The following IL20RB variants were observed in gnomAD, a reference collection of about 807,000 sequenced individuals.
IL20RB encodes the protein interleukin 20 receptor subunit beta.
IL20RB carries 21 observed loss-of-function variants against 33.3 expected under a neutral mutation model. That is an observed-to-expected ratio of 0.63 (90% CI 0.45 to 0.91). The LOEUF (loss-of-function observed/expected upper bound fraction) is 0.91, where lower values mean the gene tolerates loss of function less well. IL20RB is among the 40% of genes least tolerant of loss of function. IL20RB has a pLI of 0.00. For synonymous variants in IL20RB, 147 were observed against 146.8 expected (o/e 1.00, Z -0.01); for missense variants, 345 against 384.8 (o/e 0.90, Z 0.86).
intron 1 of IL20RB, among the ~76,000 whole-genome samples, chr3:136,972,947 T>G (rs937932236): frequency 6.6e-6 from 1 of 152,180 alleles, no homozygotes; most frequent in Non-Finnish European, 1.5e-5. Flanking sequence ...AATGTCCCTC[T>G]TATTACTGCT....
chr3:136,958,000 G>C lies in IL20RB; in HGVS notation c.-114G>C. On this transcript the variant is annotated 5_prime_UTR_variant, in exon 1 of 7. Transcript: ENST00000329582. ...CCGGCTCTAGAACAATTCAGGCTTC[G>C]CTGCGACTCAGACCTCAGCTCCAAC... 2.9e-6 allele frequency: 2 copies of C among 695,594 alleles called. No homozygotes were observed. Among genetic ancestry groups the C allele is most frequent in the Non-Finnish European group, 5.0e-6 (2 of 403,386 alleles). The allele number at this position is 695,594 out of a possible 1,614,324, so 43.1% of individuals were successfully genotyped here.
At chr3:136,963,493 G>C (rs1207879362) in intron 1 of IL20RB, among the ~76,000 whole-genome samples, 1 of 152,130 alleles carries the variant, frequency 6.6e-6, no homozygotes, top group African/African-American at 2.4e-5. Context: ...TGATAACTGT[G>C]TAATGCTATC....
intron 6 of IL20RB, among the ~76,000 whole-genome samples, chr3:137,003,679 G>A (rs1173539879): frequency 6.6e-6 from 1 of 152,076 alleles, no homozygotes; most frequent in Non-Finnish European, 1.5e-5. Context: ...GAGACGATGG[G>A]GTTTTCTAAA....
chr3:137,008,082 TCA>T (rs754173759), intron 6 of IL20RB, among the ~76,000 whole-genome samples: 2 of 152,230 alleles, frequency 1.3e-5, no homozygotes, highest in Non-Finnish European at 2.9e-5. Flanking sequence ...CTGAAGGGTC[TCA>T]GTTTCCTTTC....
At position 136,991,840 on chromosome 3, in the gene IL20RB, C is replaced by T. The variant is rs182361711; in HGVS notation, c.532-98C>T. On this transcript the variant is annotated intron_variant, in intron 4 of 6. Transcript: ENST00000329582. Reference sequence around the variant, plus strand: ...GGTCAGGCTGGTCTTGAACTCCTGACCTCAGGTGATCCGCCCGCCTCAGGC... The same window carrying T: ...GGTCAGGCTGGTCTTGAACTCCTGATCTCAGGTGATCCGCCCGCCTCAGGC... 2,327 of 1,263,500 alleles carry T rather than the reference C, an allele frequency of 1.8e-3. 42 individuals carry two copies. The Admixed American group carries it at 0.037, about 20-fold the overall frequency. 78.3% of individuals were successfully genotyped at this position (1,263,500 alleles called of 1,614,324 possible). A position where few individuals can be genotyped will look rare whatever the true frequency, so the allele number is the denominator to read the frequency against.
intron 1 of IL20RB, among the ~76,000 whole-genome samples, chr3:136,959,812 T>C (rs1240362987): frequency 6.6e-6 from 1 of 152,194 alleles, no homozygotes; most frequent in Non-Finnish European, 1.5e-5. Flanking sequence ...TGTTACTCAC[T>C]AGCTCAGGAC....
rs35491086 is a variant in IL20RB at position 136,998,129 on chromosome 3, CTTTTTTT to C, written c.825+2585_825+2591del. 4.9e-3 allele frequency among the ~76,000 whole-genome samples: 585 copies of C among 119,426 alleles called. 5 individuals are homozygous for C. The highest frequency in any genetic ancestry group is 0.016 in the African/African-American group (512 of 31,324). The allele number at this position is 119,426 out of a possible 152,430, so 78.3% of individuals were successfully genotyped here. On this transcript the variant is annotated intron_variant, in intron 6 of 6. Transcript: ENST00000329582. Reference sequence around the variant, plus strand: ...GAATTTAGGTCCATGATTTTCTTTTCTTTTTTTTTTTTTTTTTTCCCCTCTGTTCTTT... The same window carrying C: ...GAATTTAGGTCCATGATTTTCTTTTCTTTTTTTTTTTCCCCTCTGTTCTTT...
intron 6 of IL20RB, among the ~76,000 whole-genome samples, chr3:137,007,793 C>G (rs1213749897): frequency 6.6e-6 from 1 of 152,178 alleles, no homozygotes; most frequent in Non-Finnish European, 1.5e-5. Flanking sequence ...GTGGGCTGCA[C>G]CGACTGTCCA....
chr3:136,962,566 A>C (rs1941250509), intron 1 of IL20RB, among the ~76,000 whole-genome samples: 1 of 152,194 alleles, frequency 6.6e-6, no homozygotes, highest in South Asian at 2.1e-4. Context: ...ATCCTGGCCA[A>C]CATGGTGAAA....
chr3:136,993,276 C>A (rs553065143), intron 5 of IL20RB, among the ~76,000 whole-genome samples: 7 of 152,120 alleles, frequency 4.6e-5, no homozygotes, highest in African/African-American at 1.4e-4. Flanking sequence ...GTGAGTCTGG[C>A]GTTTAATCTT....
rs1459425784 is a variant in IL20RB at position 136,966,503 on chromosome 3, T to G, written c.88+8302T>G. Among the ~76,000 whole-genome samples the G allele has an allele frequency of 2.2e-5, 2 of 90,482 alleles. 1 individual carries two copies. Among genetic ancestry groups the G allele is most frequent in the Non-Finnish European group, 4.3e-5 (2 of 46,318 alleles). 59.4% of individuals were successfully genotyped at this position (90,482 alleles called of 152,430 possible). ...TTGCGTAGAGGTGTTTGTAGTATTC[T>G]CTGATGGTAGTTTGTATTTCTGTGT... On this transcript the variant is annotated intron_variant, in intron 1 of 6. Transcript: ENST00000329582.
intron 1 of IL20RB, chr3:136,980,225 C>T: frequency 2.1e-5 from 11 of 515,236 alleles, no homozygotes; most frequent in East Asian, 6.8e-5. Context: ...ATGGTGGTAC[C>T]CAAAATTTAG....
At chr3:137,005,274 A>G (rs1330909247) in intron 6 of IL20RB, among the ~76,000 whole-genome samples, 2 of 152,160 alleles carry the variant, frequency 1.3e-5, no homozygotes, top group Admixed American at 6.5e-5. Context: ...GTAGATGTCT[A>G]TTAGGTCTGC....
Position 136,989,499 on chromosome 3 carries a change from G to A in IL20RB, c.465G>A (p.Glu155=). The A allele has an allele frequency of 1.9e-6, 3 of 1,614,120 alleles. No homozygotes were observed. The highest frequency in any genetic ancestry group is 2.5e-6 in the Non-Finnish European group (3 of 1,179,982). The change falls in exon 4 of 7, where the codon GAG becomes GAA. Residue 155 remains glutamate, a synonymous_variant. Coordinates refer to ENST00000329582, the MANE Select transcript of IL20RB (RefSeq NM_144717.4). ...ITKDGFHLVI[E]LEDLGPQFEF... ...AAGATGGCTTCCACCTGGTTATTGA[G>A]CTGGAGGACCTGGGGCCCCAGTTTG...
chr3:136,978,874 A>T (rs1560069006), intron 1 of IL20RB, among the ~76,000 whole-genome samples: 1 of 152,072 alleles, frequency 6.6e-6, no homozygotes, highest in Non-Finnish European at 1.5e-5. Flanking sequence ...GTTTGGTAGA[A>T]TTTTCCATTA....
intron 1 of IL20RB, among the ~76,000 whole-genome samples, chr3:136,972,505 T>C (rs1941512088): frequency 1.3e-5 from 2 of 152,196 alleles, no homozygotes; most frequent in South Asian, 4.1e-4. Flanking sequence ...GTTAAGGTTT[T>C]CTTTTTCTTC....
chr3:136,970,641 T>G (rs1242129351), intron 1 of IL20RB, among the ~76,000 whole-genome samples: 1 of 150,822 alleles, frequency 6.6e-6, no homozygotes, highest in Non-Finnish European at 1.5e-5. Flanking sequence ...CTTCCTTCCT[T>G]CCTTCCTTCC....
At chr3:137,003,221 T>G (rs1253436308) in intron 6 of IL20RB, among the ~76,000 whole-genome samples, 1 of 152,198 alleles carries the variant, frequency 6.6e-6, no homozygotes, top group African/African-American at 2.4e-5. Flanking sequence ...CCAGCTTTGT[T>G]CTTTTGGCTT....
intron 1 of IL20RB, among the ~76,000 whole-genome samples, chr3:136,974,360 C>G (rs972889079): frequency 2.0e-5 from 3 of 152,134 alleles, no homozygotes; most frequent in Non-Finnish European, 4.4e-5. Context: ...ATTCGTTTGT[C>G]TGTTAAAGAC....
Sources: allele counts gnomAD v4.1 joint callset (sites outside exome capture counted in the v4.1 genomes callset), GRCh38; gene constraint gnomAD v4.1.1; transcripts MANE v1.5; gene names NCBI Gene and HGNC (gene_info 2026-07-23, HGNC 2026-07-21).